Variants in CACNA2D3 observed in about 807,000 individuals in gnomAD.
CACNA2D3 encodes the protein voltage-dependent calcium channel subunit alpha-2/delta-3.
In CACNA2D3, 60 loss-of-function variants were observed where a neutral mutation model predicts 160.6. That is an observed-to-expected ratio of 0.37 (90% CI 0.30 to 0.46). The LOEUF (loss-of-function observed/expected upper bound fraction) is 0.46. CACNA2D3 is among the 20% of genes least tolerant of loss of function. CACNA2D3 has a pLI of 1.00. For missense variants in CACNA2D3, 1,205 were observed against 1,365.0 expected (o/e 0.88, Z 1.85); for synonymous variants, 558 against 492.9 (o/e 1.13, Z -1.75).
intron 3 of CACNA2D3, among the ~76,000 whole-genome samples, chr3:54,344,812 A>G (rs1429133769): frequency 6.6e-6 from 1 of 152,196 alleles, no homozygotes; most frequent in Non-Finnish European, 1.5e-5. Context: ...CTGCATTCCT[A>G]GACGGCTAAG....
chr3:55,069,717 A>G (rs1345758334), intron 35 of CACNA2D3, among the ~76,000 whole-genome samples: 1 of 152,188 alleles, frequency 6.6e-6, no homozygotes, highest in East Asian at 1.9e-4. Context: ...TAGATTCTCA[A>G]TGAGCATTTC....
chr3:54,250,692 G>A lies in CACNA2D3; in HGVS notation c.205-69750G>A, dbSNP rs1160278626. ...CTCAAGCAGTCTTCCCTCCGTCATC[G>A]CCCAAAGTGCTTGGCTTACGTAAAA... On this transcript the variant is annotated intron_variant, in intron 2 of 37. Transcript: ENST00000474759. Among the ~76,000 whole-genome samples, 4 of 152,030 alleles carry A rather than the reference G, an allele frequency of 2.6e-5. No individual in the cohort carries two copies. The East Asian group carries it at 5.8e-4, about 22-fold the overall frequency.
chr3:54,548,350 C>T (rs1297483968), intron 5 of CACNA2D3, among the ~76,000 whole-genome samples: 1 of 152,186 alleles, frequency 6.6e-6, no homozygotes, highest in Non-Finnish European at 1.5e-5. Context: ...TCATGAAATA[C>T]ATAACTGCTA....
chr3:54,929,140 G>A (rs1161640496), intron 27 of CACNA2D3, among the ~76,000 whole-genome samples: 1 of 152,094 alleles, frequency 6.6e-6, no homozygotes, highest in Non-Finnish European at 1.5e-5. Flanking sequence ...TCGATATTTG[G>A]CTCCACCATC....
Position 54,590,358 on chromosome 3 carries a change from A to G in CACNA2D3, c.963+8481A>G, listed in dbSNP as rs145862869. 1.4e-4 allele frequency among the ~76,000 whole-genome samples: 21 copies of G among 152,340 alleles called. 1 individual carries two copies. The East Asian group carries it at 3.9e-3, about 28-fold the overall frequency. On this transcript the variant is annotated intron_variant, in intron 9 of 37. Transcript: ENST00000474759. The stretch of plus-strand genomic sequence containing the variant: ...ACACATACTTCATGATTCCATTCAC[A>G]TTACTTTCTTGAAATGACAAGTTTA...
At chr3:54,845,094 A>G (rs932549397) in intron 16 of CACNA2D3, among the ~76,000 whole-genome samples, 2 of 152,232 alleles carry the variant, frequency 1.3e-5, no homozygotes, top group African/African-American at 4.8e-5. Flanking sequence ...CTTTCACAGC[A>G]TAATGAAATA....
intron 8 of CACNA2D3, among the ~76,000 whole-genome samples, chr3:54,579,033 C>A (rs949625042): frequency 6.6e-6 from 1 of 152,140 alleles, no homozygotes; most frequent in Non-Finnish European, 1.5e-5. Flanking sequence ...GACTTGGACC[C>A]AAGTGACCTG....
At chr3:54,338,722 T>A (rs944698317) in intron 3 of CACNA2D3, among the ~76,000 whole-genome samples, 2 of 152,094 alleles carry the variant, frequency 1.3e-5, no homozygotes, top group African/African-American at 4.8e-5. Context: ...TGCCTCTTGA[T>A]CGCTTTGTGA....
chr3:54,152,045 A>C (rs1404527274), intron 2 of CACNA2D3, among the ~76,000 whole-genome samples: 1 of 152,136 alleles, frequency 6.6e-6, no homozygotes, highest in Non-Finnish European at 1.5e-5. Context: ...TGTTTATGCT[A>C]CTATGATCCC....
intron 3 of CACNA2D3, chr3:54,385,885 T>C (rs1442515124): frequency 2.0e-6 from 1 of 498,414 alleles, no homozygotes; most frequent in East Asian, 5.5e-5. Context: ...ATTTTGCTTT[T>C]AGTTTGATAT....
chr3:54,160,297 G>C (rs1326083036), intron 2 of CACNA2D3, among the ~76,000 whole-genome samples: 3 of 152,124 alleles, frequency 2.0e-5, no homozygotes, highest in Non-Finnish European at 4.4e-5. Flanking sequence ...GCAGGAGTTC[G>C]AGACCAGCCT....
intron 6 of CACNA2D3, among the ~76,000 whole-genome samples, chr3:54,566,327 T>C (rs1702408477): frequency 6.6e-6 from 1 of 152,146 alleles, no homozygotes; most frequent in Non-Finnish European, 1.5e-5. Flanking sequence ...TTTATGACCA[T>C]CTCATCTAAT....
rs192738978 is a variant in CACNA2D3, at chr3:54,687,767, A to C, written c.1167+45526A>C. On this transcript the variant is annotated intron_variant, in intron 11 of 37. Transcript: ENST00000474759. ...CCCTTGTGAGTCCCATATCTGGCTG[A>C]ATTTGATTTTCAAAGGAGGTATTTA... 2.6e-5 allele frequency among the ~76,000 whole-genome samples: 4 copies of C among 152,312 alleles called. No homozygotes were observed. The East Asian group carries it at 5.8e-4, about 22-fold the overall frequency.
chr3:54,885,439 A>G, intron 22 of CACNA2D3, 50 bp from the exon 23 acceptor site: 3 of 1,598,680 alleles, frequency 1.9e-6, no homozygotes, highest in Non-Finnish European at 2.6e-6. Flanking sequence ...AAGGAAGCAG[A>G]TGCTGTAAAT....
intron 11 of CACNA2D3, among the ~76,000 whole-genome samples, chr3:54,657,383 C>G (rs536632959): frequency 2.0e-5 from 3 of 152,252 alleles, no homozygotes; most frequent in South Asian, 4.1e-4. Context: ...GATTAGAACA[C>G]TTAACGTGAG....
chr3:54,869,249 G>T (rs1315065076), intron 17 of CACNA2D3, among the ~76,000 whole-genome samples: 4 of 152,208 alleles, frequency 2.6e-5, no homozygotes, highest in Non-Finnish European at 5.9e-5. Flanking sequence ...GTTGGGTGGG[G>T]TGTCCTCTAC....
chr3:54,941,705 T>C (rs1701470708), intron 27 of CACNA2D3, among the ~76,000 whole-genome samples: 1 of 152,224 alleles, frequency 6.6e-6, no homozygotes. Context: ...TTCTTCCTGC[T>C]AATGGGATCT....
At chr3:54,590,921 T>G (rs1452063856) in intron 9 of CACNA2D3, among the ~76,000 whole-genome samples, 2 of 152,224 alleles carry the variant, frequency 1.3e-5, no homozygotes, top group Admixed American at 6.5e-5. Context: ...AAGTACTGAT[T>G]GTGGTTCACT....
At chr3:54,978,295 C>T (rs1313839203) in intron 29 of CACNA2D3, among the ~76,000 whole-genome samples, 1 of 152,138 alleles carries the variant, frequency 6.6e-6, no homozygotes, top group African/African-American at 2.4e-5. Flanking sequence ...AACATTTCCC[C>T]CGTCCCTTTT....
Sources: allele counts gnomAD v4.1 joint callset (sites outside exome capture counted in the v4.1 genomes callset), GRCh38; gene constraint gnomAD v4.1.1; transcripts MANE v1.5; gene names NCBI Gene and HGNC (gene_info 2026-07-23, HGNC 2026-07-21).